Variants in PARP4 observed in about 807,000 individuals in gnomAD.
The protein encoded by PARP4 is poly(ADP-ribose) polymerase family member 4.
In PARP4, 120 loss-of-function variants were observed where a neutral mutation model predicts 187.7. That is an observed-to-expected ratio of 0.64 (90% CI 0.55 to 0.74). PARP4 has a LOEUF of 0.74. PARP4 is among the 30% of genes least tolerant of loss of function. PARP4 has a pLI of 0.00. For synonymous variants in PARP4, 654 were observed against 740.9 expected (o/e 0.88, Z 1.90); for missense variants, 1,836 against 2,070.5 (o/e 0.89, Z 2.20).
chr13:24,441,359 AG>A (rs58214368), intron 30 of PARP4, among the ~76,000 whole-genome samples: 60,321 of 151,950 alleles, frequency 0.4, 12,217 homozygotes, highest in African/African-American at 0.46. Flanking sequence ...GAGACCTAAG[AG>A]GGTTGTCAGC....
chr13:24,494,663 A>C lies in PARP4; in HGVS notation c.651T>G (p.Asn217Lys). 6.2e-7 allele frequency: 1 copy of C among 1,610,048 alleles called. No homozygotes were observed. The highest frequency in any genetic ancestry group is 1.1e-5 in the South Asian group (1 of 90,712). Residue 217 changes from asparagine to lysine, a missense_variant, in exon 7 of 34, where the codon AAT becomes AAG. Physicochemically the swap from Asn to Lys is moderately conservative, Grantham distance 94 (BLOSUM62 0). Coordinates refer to ENST00000381989, the MANE Select transcript of PARP4 (RefSeq NM_006437.4). ...TSEDASEYFE[N>K]YIEELKKQGF... ...CTTGTTTCTTCAGTTCTTCAATGTA[A>C]TTTTCAAAGTATTCACTTGCATCTT...
At chr13:24,455,504 T>TATATATATCA (rs1555234641) in intron 21 of PARP4, among the ~76,000 whole-genome samples, 2 of 136,494 alleles carry the variant, frequency 1.5e-5, no homozygotes, top group African/African-American at 5.4e-5. Context: ...TATATATATA[T>TATATATATCA]ATCACACTAT....
At chr13:24,444,409 C>CT (rs1228080400) in intron 27 of PARP4, among the ~76,000 whole-genome samples, 77 of 152,402 alleles carry the variant, frequency 5.1e-4, no homozygotes, top group African/African-American at 1.8e-3. Flanking sequence ...CAATATTGAG[C>CT]TTAAGTTCTA....
intron 30 of PARP4, among the ~76,000 whole-genome samples, chr13:24,436,190 C>T (rs191248204): frequency 1.7e-3 from 257 of 152,244 alleles, no homozygotes; most frequent in African/African-American, 6.0e-3. Context: ...TGTACTTAGG[C>T]CTAAAATAAG....
At chr13:24,433,561 G>A (rs1194384039) in intron 31 of PARP4, among the ~76,000 whole-genome samples, 8 of 152,168 alleles carry the variant, frequency 5.3e-5, no homozygotes, top group Non-Finnish European at 8.8e-5. Flanking sequence ...AGGAGTGGCC[G>A]TGGGATCCAC....
chr13:24,462,477 C>T lies in PARP4; in HGVS notation c.2134-2341G>A, dbSNP rs76018924. Reference sequence around the variant, plus strand: ...GCATAAATGTCATTTATTTCAGTCTCTCTTCTTCTTTTACACACAATGTCC... The same window carrying T: ...GCATAAATGTCATTTATTTCAGTCTTTCTTCTTCTTTTACACACAATGTCC... On this transcript the variant is annotated intron_variant, in intron 17 of 33. Transcript: ENST00000381989. 5.0e-3 allele frequency among the ~76,000 whole-genome samples: 755 copies of T among 152,324 alleles called. 8 individuals carry two copies. The highest frequency in any genetic ancestry group is 0.017 in the African/African-American group (725 of 41,572).
At chr13:24,510,188 G>A (rs1356375561) in intron 1 of PARP4, among the ~76,000 whole-genome samples, 1 of 152,120 alleles carries the variant, frequency 6.6e-6, no homozygotes, top group East Asian at 1.9e-4. Context: ...CTTTGAAGGT[G>A]TTTTTAGTGG....
Position 24,457,762 on chromosome 13 carries a change from C to A in PARP4, c.2424+1282G>T, listed in dbSNP as rs1970486. Among the ~76,000 whole-genome samples, 6 of 108,958 alleles carry A rather than the reference C, an allele frequency of 5.5e-5. No individual in the cohort carries two copies. The East Asian group carries it at 1.4e-3, about 25-fold the overall frequency. The allele number at this position is 108,958 out of a possible 152,430, so 71.5% of individuals were successfully genotyped here. On this transcript the variant is annotated intron_variant, in intron 20 of 33. Transcript: ENST00000381989. Reference sequence around the variant, plus strand: ...CTCCAACCTGGGAAACAGAGTAAGACTCTGTCTCAAAAAAAAAAAAAAAAA... The same window carrying A: ...CTCCAACCTGGGAAACAGAGTAAGAATCTGTCTCAAAAAAAAAAAAAAAAA...
chr13:24,464,971 TG>T (rs1466948868), intron 17 of PARP4, among the ~76,000 whole-genome samples: 1 of 151,246 alleles, frequency 6.6e-6, no homozygotes, highest in Non-Finnish European at 1.5e-5. Context: ...CATTAAAAAG[TG>T]GGCAAAGGAC....
At chr13:24,426,972 T>A (rs1216477503) in intron 32 of PARP4, among the ~76,000 whole-genome samples, 1 of 150,436 alleles carries the variant, frequency 6.6e-6, no homozygotes, top group East Asian at 2.0e-4. Flanking sequence ...ACTCTAATAC[T>A]CTTCAAGGTC....
Position 24,475,581 on chromosome 13 carries a change from T to A in PARP4, c.1805A>T (p.Asp602Val). ...CTTGGTGCTGCTGGAAGTTTTGGCA[T>A]CTGGTAACTGGTAATCTAAACGTTA... ...FSKVEDYQLP[D>V]AKTSSSTKAG... The change falls in exon 15 of 34, where the codon GAT (aspartate) becomes GTT (valine). Residue 602 changes from aspartate to valine, a missense_variant. Transcript: ENST00000381989. 1.2e-6 allele frequency: 2 copies of A among 1,614,186 alleles called. No homozygotes were observed. The highest frequency in any genetic ancestry group is 1.7e-6 in the Non-Finnish European group (2 of 1,179,992).
chr13:24,456,449 G>A lies in PARP4; in HGVS notation c.2454C>T (p.Thr818=), dbSNP rs769290091. The A allele has an allele frequency of 1.2e-5, 20 of 1,606,842 alleles. No homozygotes were observed. The highest frequency in any genetic ancestry group is 1.7e-5 in the Non-Finnish European group (20 of 1,174,378). Residue 818 remains threonine, a synonymous_variant, in exon 21 of 34, where the codon ACC becomes ACT. Transcript: ENST00000381989. The part of the protein sequence containing the change: ...KRTDCKAVIS[T]MEGSSLDSSG... Reference sequence around the variant, plus strand: ...TGCTGTCTAAGGAGCTGCCTTCCATGGTGCTAATGACAGCTTTGCAGTCTG... The same window carrying A: ...TGCTGTCTAAGGAGCTGCCTTCCATAGTGCTAATGACAGCTTTGCAGTCTG...
chr13:24,470,110 A>G lies in PARP4; in HGVS notation c.1915-85T>C, dbSNP rs190054833. 5.8e-5 allele frequency: 75 copies of G among 1,302,616 alleles called. No individual in the cohort carries two copies. The East Asian group carries it at 1.7e-3, about 29-fold the overall frequency. The allele number at this position is 1,302,616 out of a possible 1,614,324, so 80.7% of individuals were successfully genotyped here. A position where few individuals can be genotyped will look rare whatever the true frequency, so the allele number is the denominator to read the frequency against. ...CAAGGACGAACGAAAATGATTTTGC[A>G]TATTTATTTGAATTTCCTTGAATTT... On this transcript the variant is annotated intron_variant, in intron 15 of 33. Transcript: ENST00000381989.
chr13:24,434,450 A>G lies in PARP4; in HGVS notation c.4691T>C (p.Ile1564Thr), dbSNP rs1372085. The change falls in exon 31 of 34, where the codon ATA (isoleucine) becomes ACA (threonine). Residue 1564 changes from isoleucine (I) to threonine (T), a missense_variant. Transcript: ENST00000381989. The stretch of plus-strand genomic sequence containing the variant: ...AGGCACAGCATCCTGCCAGTGTTGT[A>G]TGCACACTATTTCATCCTCTTCTTT... ...EVKEEDEIVC[I>T]QHWQDAVPWT... 1,532,681 of 1,606,180 alleles carry G rather than the reference A, an allele frequency of 0.95. 731,625 individuals carry two copies. The highest frequency in any genetic ancestry group is 0.99 in the East Asian group (44,201 of 44,748).
intron 33 of PARP4, among the ~76,000 whole-genome samples, chr13:24,424,963 G>A (rs145400213): frequency 0.16 from 24,666 of 151,206 alleles, 2,620 homozygotes; most frequent in East Asian, 0.36. Context: ...GATTACAGGC[G>A]TGAGCCACCG....
intron 10 of PARP4, among the ~76,000 whole-genome samples, chr13:24,490,259 TATTTA>T (rs3837552): frequency 0.098 from 14,884 of 152,142 alleles, 795 homozygotes; most frequent in Non-Finnish European, 0.12. Context: ...GTGTAACTGG[TATTTA>T]GGAACGTGTT....
intron 16 of PARP4, among the ~76,000 whole-genome samples, chr13:24,469,423 G>C (rs940007929): frequency 1.3e-5 from 2 of 152,172 alleles, no homozygotes; most frequent in African/African-American, 4.8e-5. Context: ...GGAAATTGTA[G>C]TTTCTAATTG....
intron 2 of PARP4, among the ~76,000 whole-genome samples, 178 bp downstream of exon 2, chr13:24,503,467 C>A (rs1288312870): frequency 3.9e-5 from 6 of 152,178 alleles, no homozygotes; most frequent in African/African-American, 1.4e-4. Context: ...CAGGGCTGGG[C>A]CACCTCTGCC....
intron 30 of PARP4, among the ~76,000 whole-genome samples, chr13:24,437,922 T>C (rs1870716430): frequency 6.6e-6 from 1 of 151,848 alleles, no homozygotes; most frequent in Non-Finnish European, 1.5e-5. Flanking sequence ...TCTTGAATAG[T>C]ATTTTTGTAT....
Sources: allele counts gnomAD v4.1 joint callset (sites outside exome capture counted in the v4.1 genomes callset), GRCh38; gene constraint gnomAD v4.1.1; transcripts MANE v1.5; gene names NCBI Gene and HGNC (gene_info 2026-07-23, HGNC 2026-07-21).